The following IGF1R variants were observed in gnomAD, a reference collection of about 807,000 sequenced individuals.
IGF1R encodes the protein insulin like growth factor 1 receptor, also known as insulin-like growth factor 1 receptor.
Under a neutral mutation model 144.6 loss-of-function variants are expected in IGF1R, and 44 were observed. The ratio of observed to expected loss-of-function variants is 0.30; its 90% CI spans 0.24 to 0.39. The LOEUF (loss-of-function observed/expected upper bound fraction) is 0.39. Among genes scored for constraint, IGF1R ranks in the 10% least tolerant of loss-of-function variants. IGF1R has a pLI of 1.00. For synonymous variants in IGF1R, 795 were observed against 722.8 expected, an observed-to-expected ratio of 1.10 and a Z score of -1.60; for missense variants, 1,355 against 1,833.7, an observed-to-expected ratio of 0.74 and a Z score of 4.77.
chr15:98,652,304 A>G (rs2052388575), intron 1 of IGF1R, among the ~76,000 whole-genome samples: 1 of 152,216 alleles, frequency 6.6e-6, no homozygotes, highest in Non-Finnish European at 1.5e-5. Context: ...TATTGTACCC[A>G]TCTCCTTAAA....
At chr15:98,775,834 C>T (rs2055699554) in intron 2 of IGF1R, among the ~76,000 whole-genome samples, 2 of 152,224 alleles carry the variant, frequency 1.3e-5, no homozygotes, top group Non-Finnish European at 2.9e-5. Flanking sequence ...GCATTTCTGT[C>T]AAGTTCCCAT....
chr15:98,925,284 C>G (rs62023649), intron 13 of IGF1R, among the ~76,000 whole-genome samples: 1,628 of 152,290 alleles, frequency 0.011, 11 homozygotes, highest in Middle Eastern at 0.017. Flanking sequence ...AAGTCATTAA[C>G]AAGACAGAAT....
chr15:98,911,874 GTC>G (rs942161239), intron 7 of IGF1R, among the ~76,000 whole-genome samples: 12 of 152,172 alleles, frequency 7.9e-5, no homozygotes, highest in South Asian at 4.2e-4. Flanking sequence ...TCTTATTCCT[GTC>G]TCTCTCTCTG....
At chr15:98,862,533 A>G (rs2012213490) in intron 2 of IGF1R, among the ~76,000 whole-genome samples, 1 of 152,230 alleles carries the variant, frequency 6.6e-6, no homozygotes, top group African/African-American at 2.4e-5. Context: ...ATCTGTAAAA[A>G]GTAGAGGTTT....
intron 2 of IGF1R, among the ~76,000 whole-genome samples, chr15:98,831,497 C>T (rs1299070436): frequency 6.6e-6 from 1 of 152,216 alleles, no homozygotes; most frequent in Admixed American, 6.5e-5. Flanking sequence ...CTCTGGTTCT[C>T]TTCTCTTTGA....
At chr15:98,839,180 A>G (rs1460980609) in intron 2 of IGF1R, among the ~76,000 whole-genome samples, 2 of 152,236 alleles carry the variant, frequency 1.3e-5, no homozygotes, top group Non-Finnish European at 2.9e-5. Flanking sequence ...AACACTTGCC[A>G]TATACTCAGT....
chr15:98,749,814 A>G (rs911737201), intron 2 of IGF1R, among the ~76,000 whole-genome samples: 1 of 151,926 alleles, frequency 6.6e-6, no homozygotes, highest in Non-Finnish European at 1.5e-5. Context: ...TGGTTAGACT[A>G]CTTAACCATA....
intron 11 of IGF1R, among the ~76,000 whole-genome samples, chr15:98,923,087 G>A (rs1267107015): frequency 6.6e-6 from 1 of 152,204 alleles, no homozygotes; most frequent in Non-Finnish European, 1.5e-5. Context: ...AGCGTGCCTT[G>A]AGGCAGTCGT....
rs147056547 is a variant in IGF1R, at chr15:98,734,493, C to T, written c.640+26386C>T. 5.2e-3 allele frequency among the ~76,000 whole-genome samples: 797 copies of T among 152,246 alleles called. 3 individuals are homozygous for T. Among genetic ancestry groups the T allele is most frequent in the Non-Finnish European group, 9.8e-3 (666 of 68,024 alleles). On this transcript the variant is annotated intron_variant, in intron 2 of 20. Transcript: ENST00000650285. ...CAGAATGGCTTACAGAGTTTATACC[C>T]ATGGAGGTTTCGTAAAGGTGACATT...
intron 2 of IGF1R, among the ~76,000 whole-genome samples, chr15:98,719,392 G>T (rs1245324790): frequency 1.3e-5 from 2 of 152,100 alleles, no homozygotes; most frequent in Non-Finnish European, 2.9e-5. Flanking sequence ...TTTATGAATG[G>T]AATTCTGAGA....
chr15:98,770,976 A>G (rs1464988791), intron 2 of IGF1R, among the ~76,000 whole-genome samples: 2 of 152,228 alleles, frequency 1.3e-5, no homozygotes, highest in Non-Finnish European at 2.9e-5. Context: ...GTTGTGTCTT[A>G]GTCCCCATGG....
At chr15:98,806,501 CA>C (rs1181483415) in intron 2 of IGF1R, among the ~76,000 whole-genome samples, 2 of 150,100 alleles carry the variant, frequency 1.3e-5, no homozygotes, top group African/African-American at 4.9e-5. Context: ...AAAAAAAAAA[CA>C]AAAAACTGTT....
intron 2 of IGF1R, among the ~76,000 whole-genome samples, chr15:98,747,993 G>C (rs1468062250): frequency 6.6e-6 from 1 of 152,126 alleles, no homozygotes; most frequent in African/African-American, 2.4e-5. Context: ...AATATATTTG[G>C]AAGAGATAAA....
chr15:98,782,837 T>C (rs2055890203), intron 2 of IGF1R, among the ~76,000 whole-genome samples: 1 of 152,258 alleles, frequency 6.6e-6, no homozygotes, highest in African/African-American at 2.4e-5. Context: ...TCTCCTTTTA[T>C]TGTTTTCATA....
intron 13 of IGF1R, among the ~76,000 whole-genome samples, chr15:98,928,742 C>G (rs1167003921): frequency 6.6e-6 from 1 of 152,102 alleles, no homozygotes; most frequent in Non-Finnish European, 1.5e-5. Context: ...CACTAATTTC[C>G]CATGTCCCAC....
At chr15:98,828,612 G>T (rs574801694) in intron 2 of IGF1R, among the ~76,000 whole-genome samples, 29 of 152,264 alleles carry the variant, frequency 1.9e-4, no homozygotes, top group African/African-American at 6.7e-4. Context: ...CTGACCTTCA[G>T]TTCCAGTGCT....
At chr15:98,797,494 G>A (rs2056272138) in intron 2 of IGF1R, among the ~76,000 whole-genome samples, 1 of 152,210 alleles carries the variant, frequency 6.6e-6, no homozygotes. Flanking sequence ...GCCATGTCTA[G>A]GTTCTGAGTG....
chr15:98,668,354 A>T (rs2052796981), intron 1 of IGF1R, among the ~76,000 whole-genome samples: 1 of 152,150 alleles, frequency 6.6e-6, no homozygotes, highest in South Asian at 2.1e-4. Context: ...TGCCATAGTG[A>T]AGGGATCTCC....
chr15:98,663,783 G>C (rs932408735), intron 1 of IGF1R, among the ~76,000 whole-genome samples: 1 of 152,246 alleles, frequency 6.6e-6, no homozygotes. Flanking sequence ...ACCCTGAAGA[G>C]CTGGCCAACG....
Sources: allele counts gnomAD v4.1 joint callset (sites outside exome capture counted in the v4.1 genomes callset), GRCh38; gene constraint gnomAD v4.1.1; transcripts MANE v1.5; gene names NCBI Gene and HGNC (gene_info 2026-07-23, HGNC 2026-07-21).